EXTL3: variants seen among roughly 807,000 people sequenced by gnomAD.
EXTL3 encodes exostosin-like 3.
In EXTL3, 27 loss-of-function variants were observed where a neutral mutation model predicts 69.3. The ratio of observed to expected loss-of-function variants is 0.39; its 90% CI spans 0.29 to 0.54. The LOEUF is 0.54. Among genes scored for constraint, EXTL3 ranks in the 20% least tolerant of loss-of-function variants. The probability of loss-of-function intolerance (pLI) is 0.69; values close to 1 mark genes in which losing one functional copy is unlikely to be tolerated. For synonymous variants in EXTL3, 511 were observed against 499.4 expected, an observed-to-expected ratio of 1.02 and a Z score of -0.31; for missense variants, 1,003 against 1,231.8, an observed-to-expected ratio of 0.81 and a Z score of 2.78.
chr8:28,747,638 C>T (rs1481509691), intron 6 of EXTL3, among the ~76,000 whole-genome samples: 1 of 151,850 alleles, frequency 6.6e-6, no homozygotes, highest in Non-Finnish European at 1.5e-5. Context: ...CTCTGGTATC[C>T]TGTCTATCGT....
chr8:28,699,432 C>T, upstream of EXTL3: 1 of 153,144 alleles, frequency 6.5e-6, no homozygotes, highest in Non-Finnish European at 1.5e-5. Context: ...CAGGAGAGTG[C>T]AGACTCACAA....
At chr8:28,720,778 T>C (rs902216760) in intron 3 of EXTL3, among the ~76,000 whole-genome samples, 2 of 152,076 alleles carry the variant, frequency 1.3e-5, no homozygotes, top group Non-Finnish European at 2.9e-5. Context: ...CGATGGTGAG[T>C]GTCTGCTCTC....
At chr8:28,715,322 G>C (rs1400567524) in intron 2 of EXTL3, among the ~76,000 whole-genome samples, 1 of 152,146 alleles carries the variant, frequency 6.6e-6, no homozygotes, top group Non-Finnish European at 1.5e-5. Context: ...CTATAATGCC[G>C]CTCTAGATCC....
chr8:28,728,691 G>A (rs1801465908), intron 3 of EXTL3, among the ~76,000 whole-genome samples: 2 of 152,112 alleles, frequency 1.3e-5, no homozygotes, highest in African/African-American at 2.4e-5. Flanking sequence ...TTTGAGGCCA[G>A]TCAAGGCTAC....
chr8:28,739,953 G>C (rs1801740715), intron 5 of EXTL3: 1 of 152,138 alleles, frequency 6.6e-6, no homozygotes, highest in Admixed American at 6.5e-5. Flanking sequence ...ACCATGAATG[G>C]TCAGGTACCT....
chr8:28,718,690 A>G (rs1471230626), intron 3 of EXTL3, among the ~76,000 whole-genome samples: 1 of 152,214 alleles, frequency 6.6e-6, no homozygotes, highest in Non-Finnish European at 1.5e-5. Flanking sequence ...AGTATGTCTG[A>G]TTCCAGAAGC....
chr8:28,709,791 T>C (rs1325109567), intron 1 of EXTL3, among the ~76,000 whole-genome samples: 1 of 152,032 alleles, frequency 6.6e-6, no homozygotes, highest in African/African-American at 2.4e-5. Flanking sequence ...TTTGCTATTG[T>C]GATAAGGGAT....
At chr8:28,707,128 TTAA>T (rs1800940608) in intron 1 of EXTL3, among the ~76,000 whole-genome samples, 1 of 152,224 alleles carries the variant, frequency 6.6e-6, no homozygotes, top group Non-Finnish European at 1.5e-5. Context: ...GAGGTGTTCT[TTAA>T]AAAGATTGCA....
At chr8:28,639,515 C>T (rs887321882) in intron 1 of EXTL3, among the ~76,000 whole-genome samples, 3 of 152,288 alleles carry the variant, frequency 2.0e-5, no homozygotes, top group East Asian at 1.9e-4. Context: ...AGCAAAACTC[C>T]GTGTTACGTT....
At chr8:28,613,993 T>C (rs995987802) in intron 2 of EXTL3, among the ~76,000 whole-genome samples, 1 of 151,834 alleles carries the variant, frequency 6.6e-6, no homozygotes, top group African/African-American at 2.4e-5. Flanking sequence ...CCAGCTACTT[T>C]TTTTATGTTT....
rs188018490 is a variant in EXTL3 at position 28,754,641 on chromosome 8, T to C, written c.*3775T>C. ...ATGTGTCTTCCTATACACAGAGATA[T>C]GATGTCTGCTTTGAGTCTATACCTG... On this transcript the variant is annotated 3_prime_UTR_variant, in exon 7 of 7. Transcript: ENST00000220562. The C allele has an allele frequency of 1.3e-5, 2 of 152,396 alleles. No individual in the cohort carries two copies. The highest frequency in any genetic ancestry group is 1.9e-4 in the East Asian group (1 of 5,192). 9.4% of individuals were successfully genotyped at this position (152,396 alleles called of 1,614,324 possible). A position where few individuals can be genotyped will look rare whatever the true frequency, so the allele number is the denominator to read the frequency against.
intron 2 of EXTL3, 132 bp downstream of exon 2, chr8:28,713,682 A>T: frequency 1.6e-6 from 1 of 618,814 alleles, no homozygotes; most frequent in Non-Finnish European, 2.9e-6. Flanking sequence ...AGATTTAAAC[A>T]TTTGAATCAC....
intron 1 of EXTL3, among the ~76,000 whole-genome samples, chr8:28,686,592 T>C (rs1174377586): frequency 1.3e-5 from 2 of 152,200 alleles, no homozygotes; most frequent in Non-Finnish European, 2.9e-5. Flanking sequence ...TTACCACTTA[T>C]GTTAAGGAAT....
At position 28,717,864 on chromosome 8, in the gene EXTL3, G is replaced by A. The variant is rs773766888; in HGVS notation, c.1805G>A (p.Arg602His). Residue 602 changes from arginine (R) to histidine (H), a missense_variant, in exon 3 of 7, where the codon CGC becomes CAC. Physicochemically the swap from Arg to His is conservative, Grantham distance 29. Around this residue, in one of 2 missense-constraint regions of EXTL3, gnomAD observed 261 missense variants for 416.4 expected, o/e 0.63. Coordinates refer to ENST00000220562, the MANE Select transcript of EXTL3 (RefSeq NM_001440.4). The surrounding 1 kb of genome is among the most constrained non-coding windows in gnomAD (Gnocchi z 8.3). Reference sequence around the variant, plus strand: ...ACTCTGACTGTCACTGACTTTTACCGCAGCTGGAACTGTGCTCCAGGGCCT... The same window carrying A: ...ACTCTGACTGTCACTGACTTTTACCACAGCTGGAACTGTGCTCCAGGGCCT... ...NFTLTVTDFYRSWNCAPGPFH... is the reference protein window; with the variant it reads ...NFTLTVTDFYHSWNCAPGPFH... 9.3e-6 allele frequency: 15 copies of A among 1,612,844 alleles called. No individual in the cohort carries two copies. The highest frequency in any genetic ancestry group is 1.3e-5 in the African/African-American group (1 of 74,900).
chr8:28,746,648 C>A (rs1176243977), intron 6 of EXTL3, among the ~76,000 whole-genome samples: 1 of 151,932 alleles, frequency 6.6e-6, no homozygotes, highest in Non-Finnish European at 1.5e-5. Flanking sequence ...TATATATTTA[C>A]AAATATATTG....
At chr8:28,735,387 G>A (rs1266627020) in intron 4 of EXTL3, among the ~76,000 whole-genome samples, 1 of 152,166 alleles carries the variant, frequency 6.6e-6, no homozygotes, top group African/African-American at 2.4e-5. Flanking sequence ...AACATAGCTG[G>A]CATTAACATA....
chr8:28,726,233 C>T (rs1453065221), intron 3 of EXTL3, among the ~76,000 whole-genome samples: 2 of 152,156 alleles, frequency 1.3e-5, no homozygotes, highest in African/African-American at 4.8e-5. Flanking sequence ...GGATTACAGG[C>T]GTGAGCCACT....
chr8:28,613,482 C>T (rs1016069570), intron 2 of EXTL3, among the ~76,000 whole-genome samples: 3 of 152,124 alleles, frequency 2.0e-5, no homozygotes, highest in African/African-American at 7.2e-5. Flanking sequence ...GCGCCTGGCC[C>T]TATGCTATCT....
intron 1 of EXTL3, among the ~76,000 whole-genome samples, chr8:28,624,254 C>T (rs905733947): frequency 6.6e-6 from 1 of 152,182 alleles, no homozygotes; most frequent in Non-Finnish European, 1.5e-5. Context: ...CCACATCTCA[C>T]GTTAATATTC....
Sources: gnomAD v4.1 joint callset for allele counts (sites outside exome capture counted in the v4.1 genomes callset) on GRCh38, gnomAD v4.1.1 for gene constraint, gnomAD v4.1.1 regional missense constraint, Gnocchi (gnomAD v3.1) non-coding constraint, MANE v1.5 for transcripts, NCBI Gene and HGNC (gene_info 2026-07-23, HGNC 2026-07-21) for gene names.